Variants in DMXL1 observed in about 807,000 individuals in gnomAD.
The protein encoded by DMXL1 is Dmx like 1.
In DMXL1, 99 loss-of-function variants were observed where a neutral mutation model predicts 319.2. The observed-to-expected ratio is 0.31, with a 90% CI of 0.26 to 0.37. The LOEUF (loss-of-function observed/expected upper bound fraction) is 0.37. Ranked by LOEUF, DMXL1 falls within the 10% of genes least tolerant of loss-of-function variation. DMXL1 has a pLI of 1.00. For synonymous variants in DMXL1, 1,385 were observed against 1,235.2 expected, an observed-to-expected ratio of 1.12 and a Z score of -2.54; for missense variants, 3,745 against 3,595.6, an observed-to-expected ratio of 1.04 and a Z score of -1.06.
At chr5:119,122,762 C>T (rs1264172582) in intron 9 of DMXL1, among the ~76,000 whole-genome samples, 1 of 151,016 alleles carries the variant, frequency 6.6e-6, no homozygotes, top group African/African-American at 2.4e-5. Context: ...CGGGAAGAGG[C>T]GCTCCTCACT....
At chr5:119,191,177 C>A (rs540450209) in intron 29 of DMXL1, among the ~76,000 whole-genome samples, 1 of 152,090 alleles carries the variant, frequency 6.6e-6, no homozygotes, top group East Asian at 1.9e-4. Flanking sequence ...ATAGTTTATG[C>A]GTGCGTGGTC....
chr5:119,081,945 T>C (rs1201704568), intron 1 of DMXL1, among the ~76,000 whole-genome samples: 1 of 150,690 alleles, frequency 6.6e-6, no homozygotes, highest in African/African-American at 2.4e-5. Context: ...TATTGTTGTC[T>C]GAATTGATTG....
intron 9 of DMXL1, among the ~76,000 whole-genome samples, chr5:119,121,892 C>A (rs1390455164): frequency 6.7e-6 from 1 of 149,378 alleles, no homozygotes; most frequent in Non-Finnish European, 1.5e-5. Context: ...CTGGACGGGG[C>A]GGCTGGCCGG....
At chr5:119,228,931 A>G (rs954131429) in intron 38 of DMXL1, among the ~76,000 whole-genome samples, 46 of 152,234 alleles carry the variant, frequency 3.0e-4, no homozygotes, top group African/African-American at 1.1e-3. Flanking sequence ...ATTGAAATAT[A>G]GCTAATTTAA....
At chr5:119,147,867 C>G (rs1358323122) in intron 17 of DMXL1, among the ~76,000 whole-genome samples, 1 of 152,150 alleles carries the variant, frequency 6.6e-6, no homozygotes, top group Non-Finnish European at 1.5e-5. Flanking sequence ...CAGTGGTTTT[C>G]AAAGTGTCCC....
At chr5:119,144,513 C>T (rs370703759) in intron 14 of DMXL1, 23 bp from the exon 15 acceptor site, 8 of 1,493,450 alleles carry the variant, frequency 5.4e-6, no homozygotes, top group East Asian at 2.3e-5. Flanking sequence ...GGTCAACTTA[C>T]GTTGATATTT....
intron 18 of DMXL1, 62 bp downstream of exon 18, chr5:119,150,483 A>T: frequency 6.7e-7 from 1 of 1,486,880 alleles, no homozygotes; most frequent in Non-Finnish European, 8.9e-7. Flanking sequence ...AATTTTAAAT[A>T]ATTTTTATTA....
At chr5:119,190,557 A>C (rs1778529034) in intron 29 of DMXL1, among the ~76,000 whole-genome samples, 1 of 152,190 alleles carries the variant, frequency 6.6e-6, no homozygotes, top group Non-Finnish European at 1.5e-5. Flanking sequence ...ATAGTGTACA[A>C]AATTGGATTT....
At chr5:119,173,756 A>ATATATATATGTGTGTGTG (rs1561795278) in intron 25 of DMXL1, among the ~76,000 whole-genome samples, 1 of 97,490 alleles carries the variant, frequency 1.0e-5, no homozygotes, top group African/African-American at 5.5e-5. Context: ...ATGTGTGTGT[A>ATATATATATGTGTGTGTG]TATATATATA....
intron 13 of DMXL1, among the ~76,000 whole-genome samples, chr5:119,140,507 A>G (rs1006114415): frequency 6.6e-6 from 1 of 152,164 alleles, no homozygotes; most frequent in African/African-American, 2.4e-5. Context: ...TACAAAACCT[A>G]CAAGGGATGG....
intron 4 of DMXL1, among the ~76,000 whole-genome samples, chr5:119,105,493 A>T (rs1333728213): frequency 6.6e-6 from 1 of 152,202 alleles, no homozygotes; most frequent in Non-Finnish European, 1.5e-5. Context: ...TTGGAAAGAG[A>T]TATTTCTCTG....
At position 119,109,281 on chromosome 5, in the gene DMXL1, G is replaced by A. The variant is rs150342945; in HGVS notation, c.365-870G>A. On this transcript the variant is annotated intron_variant, in intron 4 of 43. Transcript: ENST00000539542. ...ATGTAAGTTACATATTATCTTTCTG[G>A]AAAAATGCACATATTGTATGTGTGA... Among the ~76,000 whole-genome samples, 61 of 152,218 alleles carry A rather than the reference G, an allele frequency of 4.0e-4. 1 individual carries two copies. In the East Asian group the frequency reaches 0.011, roughly 26 times the overall value.
At chr5:119,151,259 C>T (rs981628361) in intron 18 of DMXL1, among the ~76,000 whole-genome samples, 3 of 151,602 alleles carry the variant, frequency 2.0e-5, no homozygotes, top group Non-Finnish European at 2.9e-5. Flanking sequence ...AAGTTATGAA[C>T]AGTTTGCCAT....
At chr5:119,165,338 G>A in intron 21 of DMXL1, 58 bp downstream of exon 21, 2 of 852,932 alleles carry the variant, frequency 2.3e-6, no homozygotes, top group South Asian at 1.6e-5. Flanking sequence ...TTCATAAGAA[G>A]TAAATGAATG....
At chr5:119,108,992 G>T (rs1005136384) in intron 4 of DMXL1, among the ~76,000 whole-genome samples, 1 of 151,458 alleles carries the variant, frequency 6.6e-6, no homozygotes, top group Non-Finnish European at 1.5e-5. Flanking sequence ...GTAGAGATGG[G>T]GTTTCTCCAT....
chr5:119,160,269 C>T (rs1357342571), intron 19 of DMXL1, among the ~76,000 whole-genome samples: 2 of 152,048 alleles, frequency 1.3e-5, no homozygotes, highest in Non-Finnish European at 2.9e-5. Flanking sequence ...TTTTTAATTT[C>T]TCTTTTGGTT....
Position 119,206,820 on chromosome 5 carries a change from C to G in DMXL1, c.7864-14C>G. ...CTTTACTCTTTGTCATGTGGTTATT[C>G]TTTCTTGATGAAGTCATTAGAGGAC... On this transcript the variant is annotated splice_polypyrimidine_tract_variant and intron_variant, in intron 33 of 43. Transcript: ENST00000539542. 1.3e-6 allele frequency: 2 copies of G among 1,493,452 alleles called. No homozygotes were observed. The highest frequency in any genetic ancestry group is 2.5e-5 in the South Asian group (2 of 80,064). 92.5% of individuals were successfully genotyped at this position (1,493,452 alleles called of 1,614,324 possible). A position where few individuals can be genotyped will look rare whatever the true frequency, so the allele number is the denominator to read the frequency against.
At chr5:119,212,670 T>G (rs1225395591) in intron 34 of DMXL1, among the ~76,000 whole-genome samples, 2 of 152,224 alleles carry the variant, frequency 1.3e-5, no homozygotes, top group East Asian at 3.8e-4. Context: ...TTTCTTCACA[T>G]GTCCAGCCCA....
chr5:119,169,413 A>C lies in DMXL1; in HGVS notation c.5399-777A>C, dbSNP rs151123907. On this transcript the variant is annotated intron_variant, in intron 23 of 43. Coordinates refer to ENST00000539542, the MANE Select transcript of DMXL1 (RefSeq NM_001290321.3). ...TAGGACTGGATTTGATAAGGAGTGT[A>C]AAGGAATTAGGAGTCAAAGGTAACT... Among the ~76,000 whole-genome samples, 65 of 152,310 alleles carry C rather than the reference A, an allele frequency of 4.3e-4. 1 individual carries two copies. In the East Asian group the frequency reaches 0.011, roughly 27 times the overall value.
Sources: gnomAD v4.1 joint callset for allele counts (sites outside exome capture counted in the v4.1 genomes callset) on GRCh38, gnomAD v4.1.1 for gene constraint, MANE v1.5 for transcripts, NCBI Gene and HGNC (gene_info 2026-07-23, HGNC 2026-07-21) for gene names.